SLC7A1: variants seen among roughly 807,000 people sequenced by gnomAD.
SLC7A1 encodes the protein solute carrier family 7 member 1, also known as high affinity cationic amino acid transporter 1.
In SLC7A1, 10 loss-of-function variants were observed where a neutral mutation model predicts 53.9. The observed-to-expected ratio is 0.19, with a 90% CI of 0.11 to 0.31. The LOEUF (loss-of-function observed/expected upper bound fraction) is 0.31. Among genes scored for constraint, SLC7A1 ranks in the 10% least tolerant of loss-of-function variants. The pLI, the probability that SLC7A1 is intolerant of heterozygous loss-of-function variation, is 1.00. For synonymous variants in SLC7A1, 342 were observed against 338.7 expected (o/e 1.01, Z -0.11); for missense variants, 525 against 827.2 (o/e 0.63, Z 4.48).
intron 1 of SLC7A1, among the ~76,000 whole-genome samples, chr13:29,571,171 G>A (rs1170983631): frequency 1.3e-5 from 2 of 152,178 alleles, no homozygotes; most frequent in Non-Finnish European, 2.9e-5. Flanking sequence ...AGCAAAAATT[G>A]TATTTTGTAA....
At chr13:29,564,060 A>T (rs1870871667) in intron 1 of SLC7A1, among the ~76,000 whole-genome samples, 1 of 152,208 alleles carries the variant, frequency 6.6e-6, no homozygotes, top group Non-Finnish European at 1.5e-5. Flanking sequence ...GTAAAAGGAA[A>T]ACCATGACTA....
intron 12 of SLC7A1, among the ~76,000 whole-genome samples, chr13:29,514,858 G>A (rs1367923921): frequency 6.6e-6 from 1 of 152,200 alleles, no homozygotes; most frequent in Non-Finnish European, 1.5e-5. Context: ...GCTGGGCCAG[G>A]GCCACCAGAG....
At chr13:29,557,312 A>T (rs2139142160) in intron 1 of SLC7A1, among the ~76,000 whole-genome samples, 1 of 152,284 alleles carries the variant, frequency 6.6e-6, no homozygotes, top group South Asian at 2.1e-4. Flanking sequence ...ATGTGTCATG[A>T]CTTAATGATA....
chr13:29,569,542 G>C (rs552803742), intron 1 of SLC7A1, among the ~76,000 whole-genome samples: 38 of 152,232 alleles, frequency 2.5e-4, no homozygotes, highest in African/African-American at 9.1e-4. Flanking sequence ...CTCATGAGGC[G>C]GGGGCTGCAA....
At chr13:29,583,757 A>G (rs958510845) in intron 1 of SLC7A1, among the ~76,000 whole-genome samples, 1 of 152,216 alleles carries the variant, frequency 6.6e-6, no homozygotes, top group Non-Finnish European at 1.5e-5. Context: ...ATAATTTTCT[A>G]AAATTCTAAT....
At chr13:29,518,050 C>A (rs561638569) in intron 9 of SLC7A1, among the ~76,000 whole-genome samples, 1 of 152,322 alleles carries the variant, frequency 6.6e-6, no homozygotes, top group Non-Finnish European at 1.5e-5. Context: ...CAGAGGAATA[C>A]CCTGAGAGGA....
Position 29,511,267 on chromosome 13 carries a change from A to T in SLC7A1, c.*3213T>A, listed in dbSNP as rs1039364104. 2 of 152,278 alleles carry T rather than the reference A, an allele frequency of 1.3e-5. No individual in the cohort carries two copies. Among genetic ancestry groups the T allele is most frequent in the African/African-American group, 4.8e-5 (2 of 41,456 alleles). 9.4% of individuals were successfully genotyped at this position (152,278 alleles called of 1,614,324 possible). ...CGTATTGGATCCTGGCCACTGTGCTAGAGTCAGCACAAGGGACCAGGTGGC... is the reference window on the plus strand; with the variant it reads ...CGTATTGGATCCTGGCCACTGTGCTTGAGTCAGCACAAGGGACCAGGTGGC... On this transcript the variant is annotated 3_prime_UTR_variant, in exon 13 of 13. Transcript: ENST00000380752.
chr13:29,525,187 C>T (rs1399222319), intron 5 of SLC7A1, among the ~76,000 whole-genome samples: 1 of 152,238 alleles, frequency 6.6e-6, no homozygotes, highest in East Asian at 1.9e-4. Flanking sequence ...CCTAAGCTTT[C>T]TGCATCCAAC....
At chr13:29,567,919 G>A (rs1039303248) in intron 1 of SLC7A1, among the ~76,000 whole-genome samples, 3 of 151,960 alleles carry the variant, frequency 2.0e-5, no homozygotes, top group Non-Finnish European at 4.4e-5. Context: ...TTGAGGGTGA[G>A]GTGGCCCTAA....
rs144010247 is a variant in SLC7A1 at position 29,562,486 on chromosome 13, A to G, written c.-114-8626T>C. On this transcript the variant is annotated intron_variant, in intron 1 of 12. Coordinates refer to ENST00000380752, the MANE Select transcript of SLC7A1 (RefSeq NM_003045.5). Reference sequence around the variant, plus strand: ...TTTCAGTTTCAGACTTTTTTGGATTAGGAATGTCCAACTGGTAAGTATAAT... The same window carrying G: ...TTTCAGTTTCAGACTTTTTTGGATTGGGAATGTCCAACTGGTAAGTATAAT... Among the ~76,000 whole-genome samples, 400 of 152,350 alleles carry G rather than the reference A, an allele frequency of 2.6e-3. 1 individual carries two copies. Among genetic ancestry groups the G allele is most frequent in the Non-Finnish European group, 3.6e-3 (248 of 68,040 alleles).
intron 5 of SLC7A1, among the ~76,000 whole-genome samples, chr13:29,529,552 G>T (rs1288286736): frequency 1.3e-5 from 2 of 152,194 alleles, no homozygotes; most frequent in Non-Finnish European, 2.9e-5. Flanking sequence ...CCTACAGCCA[G>T]CTCTGACCAG....
chr13:29,565,159 T>C (rs574913125), intron 1 of SLC7A1, among the ~76,000 whole-genome samples: 2 of 152,372 alleles, frequency 1.3e-5, no homozygotes, highest in Admixed American at 1.3e-4. Context: ...GCATCCATCC[T>C]GAATTAGGAT....
chr13:29,536,862 C>A (rs927287583), intron 2 of SLC7A1, among the ~76,000 whole-genome samples: 1 of 152,220 alleles, frequency 6.6e-6, no homozygotes, highest in African/African-American at 2.4e-5. Flanking sequence ...GAAATGTCAG[C>A]CCAATGTGCT....
intron 1 of SLC7A1, among the ~76,000 whole-genome samples, chr13:29,594,817 C>T (rs1017799665): frequency 7.2e-5 from 11 of 152,068 alleles, no homozygotes; most frequent in African/African-American, 2.7e-4. Flanking sequence ...GAGAGCCAGG[C>T]GCCCTAGGTC....
rs2098166274 is a variant in SLC7A1 at position 29,510,702 on chromosome 13, G to A, written c.*3778C>T. On this transcript the variant is annotated 3_prime_UTR_variant, in exon 13 of 13. Coordinates refer to ENST00000380752, the MANE Select transcript of SLC7A1 (RefSeq NM_003045.5). ...CACACCCCAGAACGCAGCTGTGCTGGAGTTGGGCACAAAGGCCCCTCACTC... is the reference window on the plus strand; with the variant it reads ...CACACCCCAGAACGCAGCTGTGCTGAAGTTGGGCACAAAGGCCCCTCACTC... The A allele has an allele frequency of 6.6e-6, 1 of 152,256 alleles. No individual in the cohort carries two copies. Among genetic ancestry groups the A allele is most frequent in the Admixed American group, 6.5e-5 (1 of 15,280 alleles). 9.4% of individuals were successfully genotyped at this position (152,256 alleles called of 1,614,324 possible). A position where few individuals can be genotyped will look rare whatever the true frequency, so the allele number is the denominator to read the frequency against.
At chr13:29,549,119 G>A (rs1566264982) in intron 2 of SLC7A1, among the ~76,000 whole-genome samples, 1 of 152,212 alleles carries the variant, frequency 6.6e-6, no homozygotes, top group East Asian at 1.9e-4. Flanking sequence ...CTCTTTACGT[G>A]GAGCGGACGT....
chr13:29,524,133 T>C lies in SLC7A1; in HGVS notation c.825A>G (p.Thr275=), dbSNP rs1868770615. The stretch of plus-strand genomic sequence containing the variant: ...GACCGCAGTGGCTGGCGGACATACC[T>C]GTGGTGGCGATGCAGTCAAAGCCCA... ...AFVGFDCIAT[T]GEEVKNPQKA... Residue 275 remains threonine (T), a splice_region_variant and synonymous_variant, in exon 6 of 13, where the codon ACA becomes ACG. Coordinates refer to ENST00000380752, the MANE Select transcript of SLC7A1 (RefSeq NM_003045.5). 2.5e-6 allele frequency: 4 copies of C among 1,612,204 alleles called. No homozygotes were observed. The highest frequency in any genetic ancestry group is 3.4e-6 in the Non-Finnish European group (4 of 1,179,650).
intron 5 of SLC7A1, among the ~76,000 whole-genome samples, chr13:29,527,468 T>C (rs1357869462): frequency 6.6e-6 from 1 of 152,206 alleles, no homozygotes; most frequent in Non-Finnish European, 1.5e-5. Context: ...CGTAGAGATA[T>C]TTACTAAGGG....
intron 1 of SLC7A1, among the ~76,000 whole-genome samples, chr13:29,561,728 G>A (rs1870765654): frequency 1.3e-5 from 2 of 152,188 alleles, no homozygotes; most frequent in Non-Finnish European, 2.9e-5. Flanking sequence ...GCAGGCCCCA[G>A]GCATCACCGA....
Sources: allele counts gnomAD v4.1 joint callset (sites outside exome capture counted in the v4.1 genomes callset), GRCh38; gene constraint gnomAD v4.1.1; transcripts MANE v1.5; gene names NCBI Gene and HGNC (gene_info 2026-07-23, HGNC 2026-07-21).